The following PDCD10 variants were observed in gnomAD, a reference collection of about 807,000 sequenced individuals.
PDCD10 encodes programmed cell death protein 10.
A neutral mutation model predicts 29.2 loss-of-function variants in PDCD10; 4 were observed. The observed-to-expected ratio is 0.14, with a 90% confidence interval of 0.07 to 0.31. PDCD10 has a LOEUF of 0.31. Ranked by LOEUF, PDCD10 falls within the 10% of genes least tolerant of loss-of-function variation. The pLI is 1.00. For missense variants in PDCD10, 183 were observed against 257.9 expected, an observed-to-expected ratio of 0.71 and a Z score of 1.99; for synonymous variants, 70 against 82.2, an observed-to-expected ratio of 0.85 and a Z score of 0.80.
At chr3:167,691,669 A>C (rs552828595) in intron 6 of PDCD10, among the ~76,000 whole-genome samples, 1 of 152,294 alleles carries the variant, frequency 6.6e-6, no homozygotes, top group East Asian at 1.9e-4. Flanking sequence ...CAATACTGTT[A>C]TCTCTCTCAC....
chr3:167,707,552 G>C (rs958485232), intron 3 of PDCD10, among the ~76,000 whole-genome samples: 1 of 152,014 alleles, frequency 6.6e-6, no homozygotes, highest in Non-Finnish European at 1.5e-5. Context: ...GTGGTGGCAG[G>C]TGCCTGTAGT....
At chr3:167,734,526 G>C (rs1000076429) in intron 1 of PDCD10, 136 bp downstream of exon 1, 1 of 152,474 alleles carries the variant, frequency 6.6e-6, no homozygotes, top group African/African-American at 2.4e-5. Context: ...CCCTCTCCCG[G>C]GGCACCAGGG....
At chr3:167,728,494 A>G (rs912680078) in intron 2 of PDCD10, among the ~76,000 whole-genome samples, 1 of 152,218 alleles carries the variant, frequency 6.6e-6, no homozygotes, top group Admixed American at 6.6e-5. Flanking sequence ...ATGACTGAAT[A>G]AGACAGGGAG....
intron 3 of PDCD10, among the ~76,000 whole-genome samples, chr3:167,718,987 G>A (rs1349895378): frequency 6.6e-6 from 1 of 152,040 alleles, no homozygotes; most frequent in Non-Finnish European, 1.5e-5. Context: ...AATTTAAAAT[G>A]TTGACTGCAT....
intron 6 of PDCD10, among the ~76,000 whole-genome samples, chr3:167,694,041 A>G (rs547371609): frequency 6.6e-6 from 1 of 152,272 alleles, no homozygotes; most frequent in South Asian, 2.1e-4. Context: ...CTAACCACCC[A>G]TCTATGGAAT....
At chr3:167,721,533 G>A (rs2108487877) in intron 2 of PDCD10, among the ~76,000 whole-genome samples, 1 of 152,290 alleles carries the variant, frequency 6.6e-6, no homozygotes, top group South Asian at 2.1e-4. Flanking sequence ...GCCAGAATGT[G>A]TAAGACCTAA....
chr3:167,687,040 A>C (rs1719697580), intron 8 of PDCD10, among the ~76,000 whole-genome samples, 194 bp downstream of exon 8: 1 of 152,194 alleles, frequency 6.6e-6, no homozygotes, highest in Non-Finnish European at 1.5e-5. Flanking sequence ...AGCGTCTGAT[A>C]ACTCCTGTTC....
At chr3:167,720,296 CAG>C in intron 2 of PDCD10, 23 bp from the exon 3 acceptor site, 1 of 660,698 alleles carries the variant, frequency 1.5e-6, no homozygotes, top group Non-Finnish European at 2.7e-6. Flanking sequence ...GAAGAAAGAA[CAG>C]AGACTTACTA....
At chr3:167,707,191 G>A (rs1267653040) in intron 3 of PDCD10, among the ~76,000 whole-genome samples, 1 of 152,184 alleles carries the variant, frequency 6.6e-6, no homozygotes, top group East Asian at 1.9e-4. Context: ...TAAAAAGTGT[G>A]TTCCGGCCTC....
Position 167,695,678 on chromosome 3 carries a change from C to T in PDCD10, c.313G>A (p.Glu105Lys), listed in dbSNP as rs758197697. Reference protein sequence around the residue: ...RPEPEFQDLNEKARALKQILS... With the variant: ...RPEPEFQDLNKKARALKQILS... The stretch of plus-strand genomic sequence containing the variant: ...ATTTGTTTAAGTGCTCGTGCCTTTT[C>T]GTTTAGGTCTTGGAATTCTGGCTCT... The change falls in exon 6 of 9, where the codon GAA becomes AAA. Residue 105 changes from glutamate (E) to lysine (K), a missense_variant. Coordinates refer to ENST00000392750, the MANE Select transcript of PDCD10 (RefSeq NM_007217.4). 74 of 1,613,252 alleles carry T rather than the reference C, an allele frequency of 4.6e-5. No individual in the cohort carries two copies. Among genetic ancestry groups the T allele is most frequent in the Middle Eastern group, 1.6e-4 (1 of 6,084 alleles).
At chr3:167,715,434 C>T (rs1266528539) in intron 3 of PDCD10, among the ~76,000 whole-genome samples, 1 of 151,662 alleles carries the variant, frequency 6.6e-6, no homozygotes, top group Non-Finnish European at 1.5e-5. Flanking sequence ...AGTTAAAAAG[C>T]TCTGCAGACA....
rs67647566 is a variant in PDCD10, at chr3:167,725,763, T to TTATATATA, written c.-116-5498_-116-5491dup. On this transcript the variant is annotated intron_variant, in intron 2 of 8. Transcript: ENST00000392750. ...ATATAGCACTTTACCATTGTATCGT[T>TTATATATA]TATATATATATATATATATATATAT... 3.8e-3 allele frequency among the ~76,000 whole-genome samples: 292 copies of TTATATATA among 77,122 alleles called. 16 individuals carry two copies. The highest frequency in any genetic ancestry group is 5.7e-3 in the Non-Finnish European group (213 of 37,244). 50.6% of individuals were successfully genotyped at this position (77,122 alleles called of 152,430 possible). A position where few individuals can be genotyped will look rare whatever the true frequency, so the allele number is the denominator to read the frequency against.
intron 4 of PDCD10, among the ~76,000 whole-genome samples, chr3:167,698,200 G>C (rs1460426471): frequency 6.6e-6 from 1 of 152,118 alleles, no homozygotes; most frequent in Admixed American, 6.5e-5. Flanking sequence ...GGGATGAAAT[G>C]AGAAAAGAAA....
At position 167,687,222 on chromosome 3, in the gene PDCD10, T is replaced by TAC. The variant is rs745968929; in HGVS notation, c.557+10_557+11dup. On this transcript the variant is annotated intron_variant, in intron 8 of 8. Coordinates refer to ENST00000392750, the MANE Select transcript of PDCD10 (RefSeq NM_007217.4). ...TTAATTTTAAAAGTAAAGGATAAAT[T>TAC]ACAGTACTTACTTGCCATCTTTAAA... The TAC allele has an allele frequency of 2.8e-5, 35 of 1,254,952 alleles. No homozygotes were observed. Among genetic ancestry groups the TAC allele is most frequent in the South Asian group, 1.1e-4 (9 of 82,766 alleles). The allele number at this position is 1,254,952 out of a possible 1,614,324, so 77.7% of individuals were successfully genotyped here. A position where few individuals can be genotyped will look rare whatever the true frequency, so the allele number is the denominator to read the frequency against.
intron 4 of PDCD10, among the ~76,000 whole-genome samples, chr3:167,702,995 C>T (rs1452034768): frequency 2.0e-5 from 3 of 152,074 alleles, no homozygotes; most frequent in African/African-American, 7.2e-5. Flanking sequence ...AGATAATTAG[C>T]TTATATGTTA....
chr3:167,708,678 G>A (rs954407560), intron 3 of PDCD10, among the ~76,000 whole-genome samples: 8 of 152,196 alleles, frequency 5.3e-5, no homozygotes, highest in Non-Finnish European at 1.2e-4. Context: ...AACTGTCACA[G>A]AGAAAGATTT....
At chr3:167,690,532 T>C (rs188312259) in intron 6 of PDCD10, among the ~76,000 whole-genome samples, 94 of 152,318 alleles carry the variant, frequency 6.2e-4, no homozygotes, top group Middle Eastern at 3.4e-3. Context: ...ATCACGAGTC[T>C]CCACTAGTTT....
chr3:167,717,948 G>A (rs547084953), intron 3 of PDCD10, among the ~76,000 whole-genome samples: 1 of 152,204 alleles, frequency 6.6e-6, no homozygotes, highest in East Asian at 1.9e-4. Flanking sequence ...AACTGAAGAT[G>A]TGCAATGTAA....
chr3:167,684,259 G>T lies in PDCD10; in HGVS notation c.*49C>A, dbSNP rs371594832. ...CAAACTTTAAAATTTACAGATAAAG[G>T]CAGTTCAATACTGCCACTGAGAAGT... On this transcript the variant is annotated 3_prime_UTR_variant, in exon 9 of 9. Coordinates refer to ENST00000392750, the MANE Select transcript of PDCD10 (RefSeq NM_007217.4). 2.3e-5 allele frequency: 22 copies of T among 973,616 alleles called. No individual in the cohort carries two copies. Among genetic ancestry groups the T allele is most frequent in the African/African-American group, 3.2e-5 (2 of 62,588 alleles). 60.3% of individuals were successfully genotyped at this position (973,616 alleles called of 1,614,324 possible). A position where few individuals can be genotyped will look rare whatever the true frequency, so the allele number is the denominator to read the frequency against.
Sources: allele counts gnomAD v4.1 joint callset (sites outside exome capture counted in the v4.1 genomes callset), GRCh38; gene constraint gnomAD v4.1.1; transcripts MANE v1.5; gene names NCBI Gene and HGNC (gene_info 2026-07-23, HGNC 2026-07-21).